Variants in SZT2 observed in about 807,000 individuals in gnomAD.
The protein encoded by SZT2 is SZT2 subunit of KICSTOR complex.
Under a neutral mutation model 404.2 loss-of-function variants are expected in SZT2, and 216 were observed. That is an observed-to-expected ratio of 0.53 (90% CI 0.48 to 0.60). SZT2 has a LOEUF of 0.60. SZT2 is among the 20% of genes least tolerant of loss of function. SZT2 has a pLI of 0.00. For synonymous variants in SZT2, 1,693 were observed against 1,749.9 expected, an observed-to-expected ratio of 0.97 and a Z score of 0.81; for missense variants, 3,857 against 4,459.2, an observed-to-expected ratio of 0.86 and a Z score of 3.85.
Position 43,440,016 on chromosome 1 carries a change from C to A in SZT2, c.7178C>A (p.Pro2393Gln). The A allele has an allele frequency of 6.2e-7, 1 of 1,614,084 alleles. No homozygotes were observed. The highest frequency in any genetic ancestry group is 2.2e-5 in the East Asian group (1 of 44,882). The change falls in exon 51 of 72, where the codon CCA (proline) becomes CAA (glutamine). Residue 2393 changes from proline to glutamine, a missense_variant. Transcript: ENST00000634258. ...GCCATCATCGAGCTTCAGCTGCTGC[C>A]AGCTTCACTATGTACAGAGGACACA... ...ADAIIELQLL[P>Q]ASLCTEDTPT...
chr1:43,446,445 G>C, intron 65 of SZT2, 29 bp downstream of exon 65: 1 of 1,613,758 alleles, frequency 6.2e-7, no homozygotes, highest in Non-Finnish European at 8.5e-7. Flanking sequence ...GGCACAGTCA[G>C]TGCACCCCAG....
intron 1 of SZT2, among the ~76,000 whole-genome samples, chr1:43,401,277 A>G (rs1405046519): frequency 6.6e-6 from 1 of 152,186 alleles, no homozygotes; most frequent in Non-Finnish European, 1.5e-5. Context: ...CTTCATATGC[A>G]TGATATTCCT....
Position 43,426,352 on chromosome 1 carries a change from A to G in SZT2, c.3044-16A>G. On this transcript the variant is annotated splice_polypyrimidine_tract_variant and intron_variant, in intron 21 of 71. Transcript: ENST00000634258. This position sits in a 1 kb window ranked among gnomAD's most constrained non-coding sequence, Gnocchi z 4.9. ...GCAGGAGGCTCTTGGTGCTGAGCAG[A>G]GTGTGTGTCGGGCAGAGCCAGAGGG... 1.3e-6 allele frequency: 2 copies of G among 1,531,648 alleles called. No homozygotes were observed. Among genetic ancestry groups the G allele is most frequent in the South Asian group, 2.4e-5 (2 of 84,314 alleles). The allele number at this position is 1,531,648 out of a possible 1,614,324, so 94.9% of individuals were successfully genotyped here.
rs769683707 is a variant in SZT2, at chr1:43,419,772, T to C, written c.918T>C (p.His306=). 1.6e-5 allele frequency: 26 copies of C among 1,598,350 alleles called. No individual in the cohort carries two copies. The highest frequency in any genetic ancestry group is 5.5e-5 in the South Asian group (5 of 91,086). The part of the protein sequence containing the change: ...GVYSYDCSFG[H]VPNVELMKFI... ...ACTCTTATGACTGCAGTTTTGGCCATGTGCCCAATGTGGAATTAATGAAGT... is the reference window on the plus strand; with the variant it reads ...ACTCTTATGACTGCAGTTTTGGCCACGTGCCCAATGTGGAATTAATGAAGT... The change falls in exon 8 of 72, where the codon CAT becomes CAC. Residue 306 remains histidine, a synonymous_variant. Transcript: ENST00000634258.
chr1:43,430,917 C>T (rs1653791337), intron 32 of SZT2, 32 bp from the exon 33 acceptor site: 1 of 1,602,080 alleles, frequency 6.2e-7, no homozygotes, highest in Non-Finnish European at 8.5e-7. Flanking sequence ...TCTTAGAGCC[C>T]TCAGCAACTG....
chr1:43,414,720 AAG>A (rs1167345147), intron 4 of SZT2, among the ~76,000 whole-genome samples: 1 of 152,232 alleles, frequency 6.6e-6, no homozygotes, highest in Middle Eastern at 3.2e-3. Context: ...GAGAATAAAA[AAG>A]GCTTTGCCGG....
intron 4 of SZT2, among the ~76,000 whole-genome samples, chr1:43,408,404 A>G (rs1650597885): frequency 6.6e-6 from 1 of 152,082 alleles, no homozygotes; most frequent in South Asian, 2.1e-4. Context: ...CTAGGACTAC[A>G]GGTGCATGCC....
Position 43,425,809 on chromosome 1 carries a change from C to T in SZT2, c.2815-26C>T, listed in dbSNP as rs1435658968. ...TATCCTGGGCTAAGAGGGGTTGACT[C>T]CTGACCTCTGATGTTCTTCCTGTAG... On this transcript the variant is annotated intron_variant, in intron 19 of 71. Coordinates refer to ENST00000634258, the MANE Select transcript of SZT2 (RefSeq NM_001365999.1). This position sits in a 1 kb window ranked among gnomAD's most constrained non-coding sequence, Gnocchi z 4.3. The T allele has an allele frequency of 8.1e-6, 13 of 1,610,394 alleles. No homozygotes were observed. Among genetic ancestry groups the T allele is most frequent in the Non-Finnish European group, 1.0e-5 (12 of 1,177,154 alleles).
chr1:43,441,752 C>T lies in SZT2; in HGVS notation c.7676C>T (p.Ser2559Phe), dbSNP rs1474421267. 4 of 1,614,232 alleles carry T rather than the reference C, an allele frequency of 2.5e-6. No individual in the cohort carries two copies. Among genetic ancestry groups the T allele is most frequent in the South Asian group, 1.1e-5 (1 of 91,092 alleles). ...VSRFLLPSIL[S>F]EFTALVTSMA... Reference sequence around the variant, plus strand: ...CGGTTCCTCCTTCCATCCATCCTGTCTGAGTTCACCGCACTGGTCACCTCA... The same window carrying T: ...CGGTTCCTCCTTCCATCCATCCTGTTTGAGTTCACCGCACTGGTCACCTCA... The change falls in exon 55 of 72, where the codon TCT (serine) becomes TTT (phenylalanine). Residue 2559 changes from serine to phenylalanine, a missense_variant. By Grantham distance (155) the Ser-to-Phe change is radical (BLOSUM62 -2). Coordinates refer to ENST00000634258, the MANE Select transcript of SZT2 (RefSeq NM_001365999.1). The surrounding 1 kb of genome is among the most constrained non-coding windows in gnomAD (Gnocchi z 4.8).
At chr1:43,391,729 C>A (rs1199663013) in intron 1 of SZT2, among the ~76,000 whole-genome samples, 1 of 152,118 alleles carries the variant, frequency 6.6e-6, no homozygotes, top group African/African-American at 2.4e-5. Context: ...CAACACCGTC[C>A]TGTAGAAATC....
Position 43,453,593 on chromosome 1 carries a change from A to AC in SZT2, c.*3116dup, listed in dbSNP as rs1198187413. 4.1e-5 allele frequency: 62 copies of AC among 1,504,230 alleles called. No individual in the cohort carries two copies. Among genetic ancestry groups the AC allele is most frequent in the Non-Finnish European group, 5.4e-5 (61 of 1,120,258 alleles). 93.2% of individuals were successfully genotyped at this position (1,504,230 alleles called of 1,614,324 possible). A position where few individuals can be genotyped will look rare whatever the true frequency, so the allele number is the denominator to read the frequency against. On this transcript the variant is annotated 3_prime_UTR_variant, in exon 72 of 72. Coordinates refer to ENST00000634258, the MANE Select transcript of SZT2 (RefSeq NM_001365999.1). ...TCCCAGCCCTCCCGGCCCGCGACGC[A>AC]CCCGGGGGCGTGTTGATCAGTACAA... is the stretch of plus-strand genomic sequence containing the variant.
chr1:43,447,745 TTGG>T (rs768316845), intron 67 of SZT2, 47 bp downstream of exon 67: 5 of 1,610,160 alleles, frequency 3.1e-6, no homozygotes, highest in Non-Finnish European at 4.2e-6. Flanking sequence ...GGAGCTGGGG[TTGG>T]GACATACTTG....
chr1:43,397,299 T>G (rs1557502220), intron 1 of SZT2, among the ~76,000 whole-genome samples: 1 of 151,488 alleles, frequency 6.6e-6, no homozygotes, highest in Non-Finnish European at 1.5e-5. Context: ...TGGTGGCACG[T>G]GCTTATAGTC....
chr1:43,450,007 A>C lies in SZT2; in HGVS notation c.10087-96A>C. 1.4e-6 allele frequency: 2 copies of C among 1,443,934 alleles called. No individual in the cohort carries two copies. The highest frequency in any genetic ancestry group is 2.3e-5 in the South Asian group (2 of 87,170). The allele number at this position is 1,443,934 out of a possible 1,614,324, so 89.4% of individuals were successfully genotyped here. A position where few individuals can be genotyped will look rare whatever the true frequency, so the allele number is the denominator to read the frequency against. ...AGGGTGCAGGCGGGGTGAGGTGTGG[A>C]GATGGAAGTAGGCCTCTCCTCATCC... On this transcript the variant is annotated intron_variant, in intron 70 of 71. Transcript: ENST00000634258. This position sits in a 1 kb window ranked among gnomAD's most constrained non-coding sequence, Gnocchi z 4.3.
intron 65 of SZT2, 90 bp downstream of exon 65, chr1:43,446,506 A>T: frequency 6.6e-7 from 1 of 1,509,466 alleles, no homozygotes; most frequent in Non-Finnish European, 9.2e-7. Flanking sequence ...CAGTAGAGTA[A>T]TGCAGTAGGC....
chr1:43,436,012 G>C (rs1654422798), intron 42 of SZT2: 1 of 152,220 alleles, frequency 6.6e-6, no homozygotes, highest in South Asian at 2.1e-4. Context: ...CCTCCAGACA[G>C]GCAGCCACAG....
chr1:43,428,519 G>A, intron 28 of SZT2, 33 bp downstream of exon 28: 1 of 1,603,006 alleles, frequency 6.2e-7, no homozygotes, highest in Non-Finnish European at 8.5e-7. Flanking sequence ...GGATAAGGGG[G>A]TACACAGACC....
rs1570684841 is a variant in SZT2, at chr1:43,434,373, C to G, written c.5805-13C>G. ...CCCACTGCAGTTCTGGTCAGATTATCCTTCCTTCCCAGGAGCCTGATTCGG... is the reference window on the plus strand; with the variant it reads ...CCCACTGCAGTTCTGGTCAGATTATGCTTCCTTCCCAGGAGCCTGATTCGG... On this transcript the variant is annotated splice_polypyrimidine_tract_variant and intron_variant, in intron 40 of 71. Coordinates refer to ENST00000634258, the MANE Select transcript of SZT2 (RefSeq NM_001365999.1). 1.3e-6 allele frequency: 2 copies of G among 1,582,054 alleles called. No homozygotes were observed. The highest frequency in any genetic ancestry group is 2.3e-5 in the East Asian group (1 of 43,962).
chr1:43,414,972 T>C, intron 4 of SZT2, 110 bp from the exon 5 acceptor site: 1 of 1,385,540 alleles, frequency 7.2e-7, no homozygotes, highest in Non-Finnish European at 9.6e-7. Flanking sequence ...CCTGGTTGGG[T>C]AGGAAGTCAG....
Sources: allele counts gnomAD v4.1 joint callset (sites outside exome capture counted in the v4.1 genomes callset), GRCh38; gene constraint gnomAD v4.1.1; non-coding constraint Gnocchi (gnomAD v3.1); transcripts MANE v1.5; gene names NCBI Gene and HGNC (gene_info 2026-07-23, HGNC 2026-07-21).